Variants in TP53BP1 observed in about 807,000 individuals in gnomAD.
TP53BP1 encodes the protein tumor protein p53 binding protein 1, also known as TP53-binding protein 1.
Under a neutral mutation model 200.8 loss-of-function variants are expected in TP53BP1, and 61 were observed. That is an observed-to-expected ratio of 0.30 (90% confidence interval 0.25 to 0.38). The LOEUF (loss-of-function observed/expected upper bound fraction) is 0.38. TP53BP1 is among the 10% of genes least tolerant of loss of function. The pLI is 1.00. For missense variants in TP53BP1, 2,144 were observed against 2,371.9 expected, an observed-to-expected ratio of 0.90 and a Z score of 2.00; for synonymous variants, 822 against 844.3, an observed-to-expected ratio of 0.97 and a Z score of 0.46.
intron 10 of TP53BP1, among the ~76,000 whole-genome samples, chr15:43,470,297 T>C (rs2046694104): frequency 6.6e-6 from 1 of 152,246 alleles, no homozygotes; most frequent in African/African-American, 2.4e-5. Flanking sequence ...AGATCAAAAC[T>C]GGATGCATCT....
chr15:43,415,837 G>A (rs774292410), intron 22 of TP53BP1, 28 bp from the exon 23 acceptor site: 1 of 1,599,538 alleles, frequency 6.3e-7, no homozygotes, highest in East Asian at 2.2e-5. Flanking sequence ...AAACAGGTTG[G>A]TCAAACTCTA....
intron 11 of TP53BP1, among the ~76,000 whole-genome samples, chr15:43,467,276 C>T (rs1189914972): frequency 1.3e-5 from 2 of 152,082 alleles, no homozygotes; most frequent in East Asian, 3.9e-4. Flanking sequence ...GTTGCCCAGG[C>T]TGTTCTCAAA....
At chr15:43,503,449 G>A (rs1367839838) in intron 1 of TP53BP1, among the ~76,000 whole-genome samples, 1 of 152,212 alleles carries the variant, frequency 6.6e-6, no homozygotes, top group Non-Finnish European at 1.5e-5. Flanking sequence ...CCTGATGTCA[G>A]GATTTCAAGA....
At chr15:43,462,338 T>A (rs892010570) in intron 11 of TP53BP1, among the ~76,000 whole-genome samples, 3 of 150,442 alleles carry the variant, frequency 2.0e-5, no homozygotes, top group African/African-American at 7.3e-5. Context: ...TCTTGCTTTG[T>A]CACCCAGGCC....
rs184530974 is a variant in TP53BP1, at chr15:43,481,403, T to C, written c.372-381A>G. On this transcript the variant is annotated intron_variant, in intron 4 of 27. Coordinates refer to ENST00000382044, the MANE Select transcript of TP53BP1 (RefSeq NM_001141980.3). ...TTAGTAAAAAATCTTAAAATACATA[T>C]ATAGAACCACAGAGTCCAAACAAAA... Among the ~76,000 whole-genome samples the C allele has an allele frequency of 4.4e-4, 67 of 151,974 alleles. 1 individual carries two copies. The highest frequency in any genetic ancestry group is 6.8e-3 in the Middle Eastern group (2 of 294).
At chr15:43,446,629 C>T in intron 13 of TP53BP1, 39 bp from the exon 14 acceptor site, 2 of 1,599,010 alleles carry the variant, frequency 1.3e-6, no homozygotes, top group Admixed American at 1.7e-5. Flanking sequence ...AAAAAGAACA[C>T]TAAAATACAA....
intron 1 of TP53BP1, among the ~76,000 whole-genome samples, chr15:43,498,391 T>C (rs569251251): frequency 6.6e-6 from 1 of 152,348 alleles, no homozygotes; most frequent in East Asian, 1.9e-4. Flanking sequence ...TCTGTGTCAC[T>C]TGATATAATG....
In TP53BP1 at chr15:43,427,997, G is replaced by GAC; in HGVS notation, c.3828+17_3828+18dup. 6.8e-7 allele frequency: 1 copy of GAC among 1,465,104 alleles called. No individual in the cohort carries two copies. The highest frequency in any genetic ancestry group is 9.3e-7 in the Non-Finnish European group (1 of 1,077,470). 90.8% of individuals were successfully genotyped at this position (1,465,104 alleles called of 1,614,324 possible). A position where few individuals can be genotyped will look rare whatever the true frequency, so the allele number is the denominator to read the frequency against. ...AAGAAAGAAAGAAATTTGCCACACA[G>GAC]ACTCAGAGTATGTATTACCTCAGTT... On this transcript the variant is annotated intron_variant, in intron 18 of 27. Transcript: ENST00000382044.
chr15:43,499,274 GA>G (rs934001300), intron 1 of TP53BP1, among the ~76,000 whole-genome samples: 5 of 152,156 alleles, frequency 3.3e-5, no homozygotes, highest in African/African-American at 1.2e-4. Context: ...TAAGGGTGGA[GA>G]GGGGGAGGAG....
intron 21 of TP53BP1, among the ~76,000 whole-genome samples, chr15:43,419,874 A>T (rs1007714859): frequency 1.3e-5 from 2 of 152,324 alleles, no homozygotes; most frequent in African/African-American, 4.8e-5. Context: ...GACTAAATGC[A>T]ATGTTGGATG....
At chr15:43,480,098 G>A in intron 5 of TP53BP1, 81 bp from the exon 6 acceptor site, 1 of 1,285,526 alleles carries the variant, frequency 7.8e-7, no homozygotes, top group Non-Finnish European at 1.1e-6. Context: ...GCAAAGGAGG[G>A]TCCCGTTAAG....
In TP53BP1 at chr15:43,457,047, T is replaced by A. The variant is rs145031495; in HGVS notation, c.1561A>T (p.Met521Leu). ...LSLTGDSCKL[M>L]LSTSEYSQSP... ...TGACTATATTCACTTGTAGAAAGCATCAACTTGCAAGAATCCCCTGTCAAA... is the reference window on the plus strand; with the variant it reads ...TGACTATATTCACTTGTAGAAAGCAACAACTTGCAAGAATCCCCTGTCAAA... Residue 521 changes from methionine to leucine, a missense_variant, in exon 12 of 28, where the codon ATG becomes TTG. Physicochemically the swap from Met to Leu is conservative, Grantham distance 15. Transcript: ENST00000382044. 2.7e-5 allele frequency: 43 copies of A among 1,614,070 alleles called. No homozygotes were observed. The highest frequency in any genetic ancestry group is 3.6e-5 in the Non-Finnish European group (43 of 1,180,040).
chr15:43,507,543 G>C (rs572262826), intron 1 of TP53BP1, among the ~76,000 whole-genome samples: 1 of 152,156 alleles, frequency 6.6e-6, no homozygotes, highest in Admixed American at 6.5e-5. Context: ...TTACTACCAG[G>C]CTTCTGCCAT....
chr15:43,457,286 T>A, intron 11 of TP53BP1, 68 bp from the exon 12 acceptor site: 3 of 1,295,922 alleles, frequency 2.3e-6, no homozygotes, highest in Non-Finnish European at 3.1e-6. Context: ...ATCGAATCCT[T>A]GGATTCATAT....
intron 1 of TP53BP1, among the ~76,000 whole-genome samples, chr15:43,505,231 T>G (rs2079230109): frequency 6.6e-6 from 1 of 152,122 alleles, no homozygotes; most frequent in South Asian, 2.1e-4. Context: ...CTCCATTCTA[T>G]GAATACTTTG....
intron 12 of TP53BP1, among the ~76,000 whole-genome samples, chr15:43,450,223 T>C (rs183476847): frequency 5.3e-5 from 8 of 152,330 alleles, no homozygotes; most frequent in African/African-American, 1.9e-4. Context: ...CTTTAGAGAA[T>C]AACTCCAAAG....
intron 23 of TP53BP1, among the ~76,000 whole-genome samples, chr15:43,413,877 G>A (rs1254632922): frequency 2.0e-5 from 3 of 152,094 alleles, no homozygotes; most frequent in Non-Finnish European, 4.4e-5. Flanking sequence ...CACCAGAATG[G>A]TGCAGAGAAT....
chr15:43,441,482 A>C (rs2045923509), intron 15 of TP53BP1, 44 bp downstream of exon 15: 1 of 1,298,130 alleles, frequency 7.7e-7, no homozygotes, highest in African/African-American at 1.5e-5. Flanking sequence ...CCTCATCACC[A>C]GTAGCTGTGT....
At chr15:43,473,031 C>T (rs2046765686) in intron 10 of TP53BP1, among the ~76,000 whole-genome samples, 1 of 152,124 alleles carries the variant, frequency 6.6e-6, no homozygotes, top group Non-Finnish European at 1.5e-5. Flanking sequence ...AGGAGTGAAG[C>T]TGCAGACCTT....
Sources: allele counts gnomAD v4.1 joint callset (sites outside exome capture counted in the v4.1 genomes callset), GRCh38; gene constraint gnomAD v4.1.1; transcripts MANE v1.5; gene names NCBI Gene and HGNC (gene_info 2026-07-23, HGNC 2026-07-21).